The following DHRS12 variants were observed in gnomAD, a reference collection of about 807,000 sequenced individuals.
DHRS12 encodes dehydrogenase/reductase SDR family member 12.
A neutral mutation model predicts 32.1 loss-of-function variants in DHRS12; 29 were observed. The ratio of observed to expected loss-of-function variants is 0.90; its 90% confidence interval spans 0.67 to 1.23. DHRS12 has a LOEUF of 1.23. Ranked by LOEUF, DHRS12 falls within the 50% of genes most tolerant of loss-of-function variation. The pLI is 0.00. For synonymous variants in DHRS12, 150 were observed against 135.9 expected (o/e 1.10, Z -0.72); for missense variants, 330 against 337.2 (o/e 0.98, Z 0.17).
the DHRS12 span, among the ~76,000 whole-genome samples, chr13:51,759,279 G>T: frequency 1.3e-5 from 2 of 152,174 alleles, no homozygotes; most frequent in African/African-American, 4.8e-5. Context: ...AAGTTTAAAT[G>T]GAAAGGACAC....
chr13:51,772,839 C>T, intron 6 of DHRS12: 1 of 985,390 alleles, frequency 1.0e-6, no homozygotes, highest in Non-Finnish European at 1.2e-6. Flanking sequence ...TTTCAAATGT[C>T]AGGATTTGGA....
chr13:51,799,262 T>C (rs73199769), intron 2 of DHRS12, among the ~76,000 whole-genome samples: 1,982 of 152,294 alleles, frequency 0.013, 23 homozygotes, highest in Non-Finnish European at 0.022. Flanking sequence ...AGGGTTTGCT[T>C]GAGCCCCTCG....
chr13:51,770,073 CCTTA>C (rs1953942885), intron 7 of DHRS12, among the ~76,000 whole-genome samples: 3 of 152,280 alleles, frequency 2.0e-5, no homozygotes, highest in South Asian at 2.1e-4. Flanking sequence ...CAATTAAGAG[CCTTA>C]CTGAGATCAT....
intron 4 of DHRS12, among the ~76,000 whole-genome samples, chr13:51,788,359 A>G (rs987300385): frequency 1.3e-5 from 2 of 152,136 alleles, no homozygotes; most frequent in African/African-American, 4.8e-5. Context: ...TGATGAAAAT[A>G]TTTTGTACTA....
Position 51,774,047 on chromosome 13 carries a change from T to C in DHRS12, c.364-13A>G, listed in dbSNP as rs1357358352. The C allele has an allele frequency of 6.2e-7, 1 of 1,612,154 alleles. No individual in the cohort carries two copies. The highest frequency in any genetic ancestry group is 1.3e-5 in the African/African-American group (1 of 74,830). On this transcript the variant is annotated splice_polypyrimidine_tract_variant and intron_variant, in intron 5 of 8. Coordinates refer to ENST00000444610, the MANE Select transcript of DHRS12 (RefSeq NM_001377533.1). ...AGGAGACGGTTATCTGCAATAAAGG[T>C]AACAGAGATTTACAAACTAAAGCCT... is the stretch of plus-strand genomic sequence containing the variant.
In DHRS12 at chr13:51,782,931, C is replaced by T. The variant is rs1457668464; in HGVS notation, c.302-5810G>A. ...CCCACAGGAGGACTTGGATTTGGGG[C>T]CGGTGCTCCTAGGCCAGAAGACCTA... is the stretch of plus-strand genomic sequence containing the variant. On this transcript the variant is annotated intron_variant, in intron 4 of 8. Transcript: ENST00000444610. The surrounding 1 kb of genome is among the most constrained non-coding windows in gnomAD (Gnocchi z 4.2). 1.3e-5 allele frequency among the ~76,000 whole-genome samples: 2 copies of T among 152,140 alleles called. No individual in the cohort carries two copies. Among genetic ancestry groups the T allele is most frequent in the Admixed American group, 1.3e-4 (2 of 15,284 alleles).
At chr13:51,774,236 CCTACA>C (rs1954206116) in intron 5 of DHRS12, 1 of 508,784 alleles carries the variant, frequency 2.0e-6, no homozygotes, top group Non-Finnish European at 3.4e-6. Context: ...CATGTATTCT[CCTACA>C]GTATTCTCCT....
intron 4 of DHRS12, among the ~76,000 whole-genome samples, chr13:51,780,909 T>C (rs965341033): frequency 1.3e-5 from 2 of 152,242 alleles, no homozygotes; most frequent in Non-Finnish European, 2.9e-5. Context: ...GGAAAACTGA[T>C]TGGCATTTCT....
At chr13:51,755,748 A>G in the DHRS12 span, among the ~76,000 whole-genome samples, 1 of 152,226 alleles carries the variant, frequency 6.6e-6, no homozygotes, top group Non-Finnish European at 1.5e-5. Flanking sequence ...CTTAGTTCGT[A>G]TGGAAACCAG....
Position 51,787,903 on chromosome 13 carries a change from A to ATT in DHRS12, c.301+2107_301+2108insAA, listed in dbSNP as rs1270416674. On this transcript the variant is annotated intron_variant, in intron 4 of 8. Transcript: ENST00000444610. The stretch of plus-strand genomic sequence containing the variant: ...TATATATAATATATAAATATATATA[A>ATT]AAATATATAATTATATATAATATAT... Among the ~76,000 whole-genome samples the ATT allele has an allele frequency of 3.4e-3, 427 of 126,114 alleles. 2 individuals are homozygous for ATT. The highest frequency in any genetic ancestry group is 5.5e-3 in the East Asian group (27 of 4,868). The allele number at this position is 126,114 out of a possible 152,430, so 82.7% of individuals were successfully genotyped here. A position where few individuals can be genotyped will look rare whatever the true frequency, so the allele number is the denominator to read the frequency against.
At chr13:51,800,854 C>A (rs905177550) in intron 1 of DHRS12, among the ~76,000 whole-genome samples, 1 of 152,230 alleles carries the variant, frequency 6.6e-6, no homozygotes, top group Non-Finnish European at 1.5e-5. Context: ...CTGTAACTCA[C>A]CAGAACATGC....
intron 1 of DHRS12, among the ~76,000 whole-genome samples, chr13:51,800,087 C>T (rs531530858): frequency 5.3e-5 from 8 of 152,174 alleles, no homozygotes; most frequent in African/African-American, 1.7e-4. Flanking sequence ...CTTGGAGAAA[C>T]GGGGGAGATT....
intron 2 of DHRS12, among the ~76,000 whole-genome samples, chr13:51,795,979 C>T (rs911500057): frequency 5.3e-5 from 8 of 152,204 alleles, no homozygotes; most frequent in African/African-American, 1.9e-4. Context: ...ACAAGACTGT[C>T]TGGGGCTGTG....
intron 5 of DHRS12, chr13:51,776,370 A>T (rs1954399750): frequency 6.6e-6 from 1 of 152,016 alleles, no homozygotes; most frequent in East Asian, 1.9e-4. Flanking sequence ...CCACGTCTCC[A>T]CCCTCTGCTT....
chr13:51,785,445 C>T (rs562505440), intron 4 of DHRS12, among the ~76,000 whole-genome samples: 6 of 152,066 alleles, frequency 3.9e-5, no homozygotes, highest in African/African-American at 1.4e-4. Flanking sequence ...TGATTTGGAG[C>T]TCTGTGAAAT....
At chr13:51,759,281 A>C in the DHRS12 span, among the ~76,000 whole-genome samples, 1 of 152,198 alleles carries the variant, frequency 6.6e-6, no homozygotes, top group African/African-American at 2.4e-5. Flanking sequence ...GTTTAAATGG[A>C]AAGGACACAG....
chr13:51,772,731 T>C (rs1205336497), intron 6 of DHRS12: 3 of 985,348 alleles, frequency 3.0e-6, no homozygotes, highest in South Asian at 4.7e-5. Context: ...CCAGGGTAGT[T>C]TGATCATGCT....
downstream of DHRS12, chr13:51,765,132 G>A (rs1396782291): frequency 6.6e-6 from 1 of 152,250 alleles, no homozygotes; most frequent in Non-Finnish European, 1.5e-5. Flanking sequence ...GCCCTGTGGA[G>A]GCAGGAACAC....
chr13:51,786,504 G>A (rs1233304055), intron 4 of DHRS12, among the ~76,000 whole-genome samples: 2 of 152,182 alleles, frequency 1.3e-5, no homozygotes, highest in Non-Finnish European at 2.9e-5. Context: ...GCTGTCTCCT[G>A]CAATCTCTTC....
Sources: gnomAD v4.1 joint callset for allele counts (sites outside exome capture counted in the v4.1 genomes callset) on GRCh38, gnomAD v4.1.1 for gene constraint, Gnocchi (gnomAD v3.1) non-coding constraint, MANE v1.5 for transcripts, NCBI Gene and HGNC (gene_info 2026-07-23, HGNC 2026-07-21) for gene names.